The following GRID2 variants were observed in gnomAD, a reference collection of about 807,000 sequenced individuals.
GRID2 encodes the protein glutamate receptor ionotropic, delta-2.
GRID2 carries 33 observed loss-of-function variants against 114.8 expected under a neutral mutation model. The ratio of observed to expected loss-of-function variants is 0.29; its 90% confidence interval spans 0.22 to 0.38. GRID2 has a LOEUF of 0.38. GRID2 is among the 10% of genes least tolerant of loss of function. GRID2 has a pLI of 1.00. For synonymous variants in GRID2, 505 were observed against 449.9 expected (o/e 1.12, Z -1.55); for missense variants, 1,184 against 1,257.7 (o/e 0.94, Z 0.89).
At chr4:92,671,430 T>G (rs1414076584) in intron 2 of GRID2, among the ~76,000 whole-genome samples, 1 of 152,124 alleles carries the variant, frequency 6.6e-6, no homozygotes, top group Non-Finnish European at 1.5e-5. Flanking sequence ...TAGATTCATA[T>G]TGTATCAAAC....
chr4:93,674,262 A>G (rs931989522), intron 14 of GRID2, among the ~76,000 whole-genome samples: 2 of 152,168 alleles, frequency 1.3e-5, no homozygotes, highest in Admixed American at 1.3e-4. Flanking sequence ...GTGAGATAAG[A>G]TCATCATTCT....
chr4:93,062,807 G>A (rs983903252), intron 2 of GRID2, among the ~76,000 whole-genome samples: 4 of 152,002 alleles, frequency 2.6e-5, no homozygotes, highest in Non-Finnish European at 5.9e-5. Flanking sequence ...CAGGAAAGGA[G>A]GCAGTTTCCA....
intron 3 of GRID2, 70 bp from the exon 4 acceptor site, chr4:93,110,678 G>A: frequency 1.0e-6 from 1 of 988,818 alleles, no homozygotes; most frequent in South Asian, 1.3e-5. Context: ...TCTGATATAG[G>A]TGAAATAGCT....
At chr4:93,655,731 G>A (rs1207602841) in intron 14 of GRID2, among the ~76,000 whole-genome samples, 1 of 151,950 alleles carries the variant, frequency 6.6e-6, no homozygotes, top group East Asian at 1.9e-4. Flanking sequence ...AGTTTAAATT[G>A]TTCTAAATCC....
chr4:93,608,310 A>T (rs200584383), intron 13 of GRID2, among the ~76,000 whole-genome samples: 13,253 of 65,742 alleles, frequency 0.2, 515 homozygotes, highest in African/African-American at 0.28. Flanking sequence ...TTTTTTTTTT[A>T]ATTTTTTTTT....
intron 1 of GRID2, among the ~76,000 whole-genome samples, chr4:92,529,767 T>C (rs1184385888): frequency 1.3e-5 from 2 of 152,188 alleles, no homozygotes; most frequent in African/African-American, 2.4e-5. Flanking sequence ...ATCTCTTCAA[T>C]AGTTGTGTCA....
In GRID2 at chr4:93,480,887, A is replaced by G. The variant is rs73839546; in HGVS notation, c.1859-9752A>G. The stretch of plus-strand genomic sequence containing the variant: ...TTTCTTGGAACAGATTCATTCCAAC[A>G]TTCCCACCTCCCTGAATCTCTACAG... On this transcript the variant is annotated intron_variant, in intron 11 of 15. Transcript: ENST00000282020. Among the ~76,000 whole-genome samples, 1,123 of 152,102 alleles carry G rather than the reference A, an allele frequency of 7.4e-3. 15 individuals carry two copies. The highest frequency in any genetic ancestry group is 0.026 in the African/African-American group (1,075 of 41,490).
At chr4:93,522,049 G>T (rs1730388947) in intron 13 of GRID2, among the ~76,000 whole-genome samples, 2 of 152,130 alleles carry the variant, frequency 1.3e-5, no homozygotes, top group African/African-American at 4.8e-5. Context: ...ACAGGAAAAA[G>T]ACTGCAGTAT....
chr4:93,484,149 C>A (rs538352567), intron 11 of GRID2, among the ~76,000 whole-genome samples: 28 of 151,780 alleles, frequency 1.8e-4, no homozygotes, highest in Admixed American at 1.3e-3. Context: ...CAGAAAAGTA[C>A]GTAACATATT....
intron 1 of GRID2, among the ~76,000 whole-genome samples, chr4:92,396,472 A>G (rs890203187): frequency 2.0e-5 from 3 of 151,990 alleles, no homozygotes; most frequent in African/African-American, 4.8e-5. Context: ...ACTTATCATC[A>G]TCATACACAG....
chr4:92,878,611 C>G (rs1250428546), intron 2 of GRID2, among the ~76,000 whole-genome samples: 1 of 152,110 alleles, frequency 6.6e-6, no homozygotes, highest in East Asian at 1.9e-4. Context: ...AAAAGCAAAA[C>G]AGTGACATCT....
chr4:92,879,832 C>T (rs183815622), intron 2 of GRID2, among the ~76,000 whole-genome samples: 91 of 152,250 alleles, frequency 6.0e-4, no homozygotes, highest in Non-Finnish European at 6.8e-4. Flanking sequence ...TGGTGAAACT[C>T]CTCATTACGG....
At chr4:93,400,264 A>G (rs888411643) in intron 9 of GRID2, among the ~76,000 whole-genome samples, 6 of 152,146 alleles carry the variant, frequency 3.9e-5, no homozygotes, top group East Asian at 1.9e-4. Context: ...TTCTTCATAT[A>G]TAGATTTCTT....
chr4:92,942,107 C>G (rs1012906513), intron 2 of GRID2, among the ~76,000 whole-genome samples: 7 of 152,112 alleles, frequency 4.6e-5, no homozygotes, highest in Non-Finnish European at 1.0e-4. Flanking sequence ...GAGCTGAGTT[C>G]AATTCCTGGA....
chr4:93,163,049 ATCC>A (rs1737836392), intron 4 of GRID2, among the ~76,000 whole-genome samples: 1 of 151,958 alleles, frequency 6.6e-6, no homozygotes, highest in Non-Finnish European at 1.5e-5. Context: ...TCTTGGAAGT[ATCC>A]TCTTTTTTAA....
chr4:93,032,833 G>A (rs1452191345), intron 2 of GRID2, among the ~76,000 whole-genome samples: 1 of 152,092 alleles, frequency 6.6e-6, no homozygotes, highest in Non-Finnish European at 1.5e-5. Flanking sequence ...AATGAAAGTA[G>A]CCTAACACCC....
chr4:92,728,378 G>T (rs761395911), intron 2 of GRID2, among the ~76,000 whole-genome samples: 4 of 152,056 alleles, frequency 2.6e-5, no homozygotes, highest in Non-Finnish European at 4.4e-5. Context: ...AGAAGGTGCA[G>T]TCAAGTGGTT....
At chr4:93,438,297 G>T (rs10006372) in intron 10 of GRID2, among the ~76,000 whole-genome samples, 105,088 of 152,034 alleles carry the variant, frequency 0.69, 36,833 homozygotes, top group African/African-American at 0.81. Flanking sequence ...GGCAACCCAG[G>T]GGCCGAATGG....
intron 4 of GRID2, among the ~76,000 whole-genome samples, chr4:93,139,057 C>CGTATA (rs1735524124): frequency 1.3e-5 from 2 of 152,268 alleles, no homozygotes; most frequent in Admixed American, 1.3e-4. Context: ...AATCAGGCTC[C>CGTATA]AATCAAAAAC....
Sources: allele counts gnomAD v4.1 joint callset (sites outside exome capture counted in the v4.1 genomes callset), GRCh38; gene constraint gnomAD v4.1.1; transcripts MANE v1.5; gene names NCBI Gene and HGNC (gene_info 2026-07-23, HGNC 2026-07-21).